GPHN: variants seen among roughly 807,000 people sequenced by gnomAD.
GPHN encodes gephyrin.
In GPHN, 17 loss-of-function variants were observed where a neutral mutation model predicts 95.5. That is an observed-to-expected ratio of 0.18 (90% CI 0.12 to 0.27). GPHN has a LOEUF of 0.27. Ranked by LOEUF, GPHN falls within the 10% of genes least tolerant of loss-of-function variation. The pLI is 1.00. For missense variants in GPHN, 660 were observed against 978.1 expected (o/e 0.67, Z 4.34); for synonymous variants, 320 against 322.5 (o/e 0.99, Z 0.08).
chr14:66,908,738 T>C (rs1399863620), intron 5 of GPHN, among the ~76,000 whole-genome samples: 3 of 151,982 alleles, frequency 2.0e-5, no homozygotes, highest in Non-Finnish European at 2.9e-5. Context: ...ACCTGTGATA[T>C]GATGTAATAA....
intron 5 of GPHN, among the ~76,000 whole-genome samples, chr14:66,885,854 CA>C (rs2064164803): frequency 7.3e-6 from 1 of 137,450 alleles, no homozygotes; most frequent in African/African-American, 2.8e-5. Context: ...AAAAAAAAAG[CA>C]AACCCTAGGG....
chr14:66,928,706 G>A (rs1023241794), intron 8 of GPHN, among the ~76,000 whole-genome samples: 1 of 152,008 alleles, frequency 6.6e-6, no homozygotes, highest in Non-Finnish European at 1.5e-5. Flanking sequence ...ATAGGTTTTG[G>A]TGTTTTGTGT....
At chr14:66,752,692 T>G (rs2058412215) in intron 2 of GPHN, among the ~76,000 whole-genome samples, 1 of 152,028 alleles carries the variant, frequency 6.6e-6, no homozygotes, top group South Asian at 2.1e-4. Context: ...CGAGAATTAC[T>G]AAAACGTGAC....
intron 10 of GPHN, among the ~76,000 whole-genome samples, chr14:67,030,640 T>G (rs2074149484): frequency 6.6e-6 from 1 of 152,198 alleles, no homozygotes; most frequent in Non-Finnish European, 1.5e-5. Flanking sequence ...CTCCCAAATC[T>G]GAGCAAAGTG....
At chr14:67,685,081 C>A in the GPHN span, 3 of 1,614,074 alleles carry the variant, frequency 1.9e-6, no homozygotes, top group Non-Finnish European at 2.5e-6. Context: ...GGTCTGGGCT[C>A]CCTGCTGAGG....
At chr14:67,700,589 C>T in the GPHN span, among the ~76,000 whole-genome samples, 1 of 151,894 alleles carries the variant, frequency 6.6e-6, no homozygotes, top group Admixed American at 6.6e-5. Flanking sequence ...GTGGCGGGCG[C>T]CTGTAGTCCC....
chr14:67,292,384 A>G, the GPHN span: 2 of 617,238 alleles, frequency 3.2e-6, no homozygotes, highest in Non-Finnish European at 5.7e-6. Context: ...TGACAATAAT[A>G]TATGCAGATT....
chr14:66,740,892 AAT>A (rs2072741991), intron 2 of GPHN, among the ~76,000 whole-genome samples: 1 of 152,186 alleles, frequency 6.6e-6, no homozygotes, highest in Non-Finnish European at 1.5e-5. Flanking sequence ...GAGATTAGGT[AAT>A]TTATAAAGAA....
At chr14:66,784,450 T>C (rs2059705030) in intron 3 of GPHN, among the ~76,000 whole-genome samples, 2 of 152,264 alleles carry the variant, frequency 1.3e-5, no homozygotes, top group Admixed American at 6.5e-5. Flanking sequence ...GAAAAAGGCC[T>C]GAAATTTCAG....
intron 2 of GPHN, among the ~76,000 whole-genome samples, chr14:66,743,969 T>C (rs1416596303): frequency 6.6e-6 from 1 of 152,164 alleles, no homozygotes; most frequent in Non-Finnish European, 1.5e-5. Context: ...ATCATTACCC[T>C]CAGAATTAAA....
At chr14:66,779,314 T>C (rs1420578781) in intron 3 of GPHN, among the ~76,000 whole-genome samples, 1 of 152,180 alleles carries the variant, frequency 6.6e-6, no homozygotes, top group African/African-American at 2.4e-5. Context: ...ATGAGGAAAT[T>C]GAATAAATAT....
the GPHN span, among the ~76,000 whole-genome samples, chr14:67,507,600 C>T: frequency 6.6e-6 from 1 of 152,096 alleles, no homozygotes; most frequent in African/African-American, 2.4e-5. Context: ...AGACATGCGC[C>T]ACCATGTCCA....
intron 1 of GPHN, among the ~76,000 whole-genome samples, chr14:66,644,760 C>T (rs1595380706): frequency 1.3e-5 from 2 of 151,986 alleles, no homozygotes; most frequent in East Asian, 3.9e-4. Context: ...ACCACTGTGC[C>T]AGTAAAAGAC....
intron 2 of GPHN, among the ~76,000 whole-genome samples, chr14:66,718,783 C>A (rs1226042175): frequency 1.3e-5 from 2 of 152,166 alleles, no homozygotes; most frequent in Admixed American, 1.3e-4. Flanking sequence ...CCCACTCGAC[C>A]CAGGAAGTCC....
At chr14:66,875,455 G>C (rs563428231) in intron 4 of GPHN, among the ~76,000 whole-genome samples, 41 of 150,058 alleles carry the variant, frequency 2.7e-4, no homozygotes, top group African/African-American at 9.4e-4. Flanking sequence ...TTAAAAGACA[G>C]ACTGGCAAAT....
intron 21 of GPHN, among the ~76,000 whole-genome samples, chr14:67,172,552 C>A (rs1434860749): frequency 6.6e-6 from 1 of 152,148 alleles, no homozygotes; most frequent in East Asian, 1.9e-4. Flanking sequence ...CCTGGCTGAA[C>A]TGAGCAGCTG....
the GPHN span, chr14:67,198,876 A>G: frequency 3.0e-6 from 2 of 667,046 alleles, no homozygotes; most frequent in South Asian, 1.5e-5. Flanking sequence ...AATGAGTTCA[A>G]TGATAGGGGT....
At chr14:67,724,629 TC>T in the GPHN span, 1 of 1,435,326 alleles carries the variant, frequency 7.0e-7, no homozygotes, top group Non-Finnish European at 9.8e-7. Flanking sequence ...GGGCCATGCC[TC>T]CCACCCTTCT....
At chr14:67,250,994 A>G in the GPHN span, among the ~76,000 whole-genome samples, 23,441 of 152,138 alleles carry the variant, frequency 0.15, 3,406 homozygotes, top group East Asian at 0.42. Flanking sequence ...CTACATTTCA[A>G]GTTCTTTGTC....
Sources: allele counts gnomAD v4.1 joint callset (sites outside exome capture counted in the v4.1 genomes callset), GRCh38; gene constraint gnomAD v4.1.1; transcripts MANE v1.5; gene names NCBI Gene and HGNC (gene_info 2026-07-23, HGNC 2026-07-21).